Variants in BRD3 observed in about 807,000 individuals in gnomAD.
The protein encoded by BRD3 is bromodomain containing 3.
In BRD3, 17 loss-of-function variants were observed where a neutral mutation model predicts 66.8. The ratio of observed to expected loss-of-function variants is 0.25; its 90% CI spans 0.17 to 0.38. The LOEUF (loss-of-function observed/expected upper bound fraction) is 0.38, where lower values mean the gene tolerates loss of function less well. BRD3 is among the 10% of genes least tolerant of loss of function. BRD3 has a pLI of 1.00. For synonymous variants in BRD3, 421 were observed against 393.2 expected (o/e 1.07, Z -0.84); for missense variants, 713 against 956.1 (o/e 0.75, Z 3.35).
rs535769893 is a variant in BRD3, at chr9:134,050,702, G to A, written c.500-114C>T. On this transcript the variant is annotated intron_variant, in intron 4 of 11. Coordinates refer to ENST00000303407, the MANE Select transcript of BRD3 (RefSeq NM_007371.4). ...GTACCAGCTCTGTGCTGCCAAGACC[G>A]CCGGCCAGAAGAACCCTCCATGCTG... The A allele has an allele frequency of 4.4e-4, 366 of 840,042 alleles. 1 individual carries two copies. Among genetic ancestry groups the A allele is most frequent in the Middle Eastern group, 2.7e-3 (10 of 3,640 alleles). 52.0% of individuals were successfully genotyped at this position (840,042 alleles called of 1,614,324 possible). A position where few individuals can be genotyped will look rare whatever the true frequency, so the allele number is the denominator to read the frequency against.
chr9:134,058,725 G>GCCTT (rs1830476982), intron 1 of BRD3: 1 of 152,330 alleles, frequency 6.6e-6, no homozygotes, highest in African/African-American at 2.4e-5. Context: ...GATACACAAA[G>GCCTT]GTTCAAACTA....
chr9:134,067,549 A>AG (rs1320769856), intron 1 of BRD3, among the ~76,000 whole-genome samples: 5 of 147,472 alleles, frequency 3.4e-5, no homozygotes, highest in Admixed American at 1.3e-4. Context: ...GGCGGAGGAA[A>AG]GGGGGAAAAA....
chr9:134,059,358 T>A (rs1310840941), intron 1 of BRD3, among the ~76,000 whole-genome samples: 1 of 152,284 alleles, frequency 6.6e-6, no homozygotes, highest in South Asian at 2.1e-4. Context: ...TCCACCTTCA[T>A]GCGATGGGGA....
chr9:134,052,889 C>A (rs903572123), intron 2 of BRD3, among the ~76,000 whole-genome samples: 1 of 152,228 alleles, frequency 6.6e-6, no homozygotes, highest in Non-Finnish European at 1.5e-5. Context: ...GAAAGCAGGC[C>A]TCAACATACA....
chr9:134,067,630 G>A (rs1380690108), intron 1 of BRD3, among the ~76,000 whole-genome samples: 1 of 146,520 alleles, frequency 6.8e-6, no homozygotes, highest in Non-Finnish European at 1.5e-5. Context: ...CCAACTCCGG[G>A]CTGCGCGCCC....
upstream of BRD3, chr9:134,068,202 A>G (rs1830714242): frequency 7.1e-6 from 1 of 140,480 alleles, no homozygotes; most frequent in African/African-American, 2.6e-5. Flanking sequence ...CGCCCCGCCG[A>G]CCCGGCCGAG....
chr9:134,051,875 GTGTTGTTTTTT>G (rs1476252004), intron 3 of BRD3, among the ~76,000 whole-genome samples, 166 bp from the exon 4 acceptor site: 20 of 101,018 alleles, frequency 2.0e-4, no homozygotes, highest in South Asian at 1.7e-3. Flanking sequence ...GTGTGTGTGT[GTGTTGTTTTTT>G]TTGTTTTTTT....
At chr9:134,034,457 T>C (rs1039848741) in intron 11 of BRD3, 11 of 520,260 alleles carry the variant, frequency 2.1e-5, no homozygotes, top group Middle Eastern at 5.3e-4. Context: ...CTGTCTGTGG[T>C]GCCCTGGAAT....
rs182585680 is a variant in BRD3 at position 134,036,485 on chromosome 9, G to A, written c.1644-161C>T. 6.0e-5 allele frequency: 94 copies of A among 1,579,012 alleles called. No individual in the cohort carries two copies. In the East Asian group the frequency reaches 1.7e-3, roughly 29 times the overall value. On this transcript the variant is annotated intron_variant, in intron 9 of 11. Coordinates refer to ENST00000303407, the MANE Select transcript of BRD3 (RefSeq NM_007371.4). ...CAGAAAATCCAAGGTTAGAAAAGTC[G>A]CTCCCAGCTGCGGGGTTTCCAGCCC...
At chr9:134,035,207 C>T (rs1202669247) in intron 10 of BRD3, among the ~76,000 whole-genome samples, 1 of 152,230 alleles carries the variant, frequency 6.6e-6, no homozygotes, top group Non-Finnish European at 1.5e-5. Context: ...CGCTGCTCTC[C>T]ATCTGCCCGA....
rs150841979 is a variant in BRD3, at chr9:134,035,742, G to A, written c.1936+290C>T. ...GGCCGGAGCCCAGCCCCAGAGTCGC[G>A]CACTCCTTGGACAAGGTTAAGGCCA... On this transcript the variant is annotated intron_variant, in intron 10 of 11. Transcript: ENST00000303407. Among the ~76,000 whole-genome samples, 1,471 of 152,364 alleles carry A rather than the reference G, an allele frequency of 9.7e-3. 28 individuals carry two copies. Among genetic ancestry groups the A allele is most frequent in the African/African-American group, 0.033 (1,382 of 41,586 alleles).
At chr9:134,051,339 G>T (rs532541254) in intron 4 of BRD3, among the ~76,000 whole-genome samples, 1 of 152,216 alleles carries the variant, frequency 6.6e-6, no homozygotes, top group African/African-American at 2.4e-5. Context: ...TCCCCAGCGT[G>T]GGCTCAAAGG....
chr9:134,066,858 C>A (rs1487340224), intron 1 of BRD3, among the ~76,000 whole-genome samples: 1 of 152,338 alleles, frequency 6.6e-6, no homozygotes, highest in African/African-American at 2.4e-5. Flanking sequence ...AAGATCGCAA[C>A]CACTCAAGGA....
chr9:134,044,214 C>T (rs1157106362), intron 7 of BRD3, among the ~76,000 whole-genome samples: 15 of 152,210 alleles, frequency 9.9e-5, no homozygotes, highest in Admixed American at 9.8e-4. Flanking sequence ...ACCCTGCCAT[C>T]ATCACCCACA....
In BRD3 at chr9:134,032,531, G is replaced by A. The variant is rs1380422170; in HGVS notation, c.*1059C>T. ...GCGCGAACAGACGTGGGTGAGCACC[G>A]CGCGGTGGCAGGAGTTAGCACCTGG... On this transcript the variant is annotated 3_prime_UTR_variant, in exon 12 of 12. Coordinates refer to ENST00000303407, the MANE Select transcript of BRD3 (RefSeq NM_007371.4). 4 of 226,994 alleles carry A rather than the reference G, an allele frequency of 1.8e-5. No individual in the cohort carries two copies. The highest frequency in any genetic ancestry group is 4.5e-5 in the African/African-American group (2 of 44,820). 14.1% of individuals were successfully genotyped at this position (226,994 alleles called of 1,614,324 possible). A position where few individuals can be genotyped will look rare whatever the true frequency, so the allele number is the denominator to read the frequency against.
rs1310444454 is a variant in BRD3, at chr9:134,037,520, G to A, written c.1644-1196C>T. 4.6e-5 allele frequency among the ~76,000 whole-genome samples: 7 copies of A among 151,936 alleles called. No homozygotes were observed. The East Asian group carries it at 5.8e-4, about 13-fold the overall frequency. On this transcript the variant is annotated intron_variant, in intron 9 of 11. Coordinates refer to ENST00000303407, the MANE Select transcript of BRD3 (RefSeq NM_007371.4). The stretch of plus-strand genomic sequence containing the variant: ...CTGGAGGCGGAGGTTGCAGTGAGCC[G>A]AGATCGTGCCACTGCACTCCAGCCT...
At chr9:134,051,188 G>A (rs1337606809) in intron 4 of BRD3, among the ~76,000 whole-genome samples, 2 of 152,228 alleles carry the variant, frequency 1.3e-5, no homozygotes, top group Non-Finnish European at 1.5e-5. Context: ...AATCAAATGA[G>A]TGCTAAAGAG....
intron 6 of BRD3, among the ~76,000 whole-genome samples, chr9:134,046,507 T>A (rs1830169877): frequency 6.6e-6 from 1 of 152,154 alleles, no homozygotes. Flanking sequence ...CCGTACCCTA[T>A]GCACTCAGAC....
chr9:134,035,350 T>C lies in BRD3; in HGVS notation c.1937-521A>G, dbSNP rs570979902. ...CAGGAAAAGGAGCAAGTGAGGCCCATGCACACCCGAGAGGCCACATGCAAG... is the reference window on the plus strand; with the variant it reads ...CAGGAAAAGGAGCAAGTGAGGCCCACGCACACCCGAGAGGCCACATGCAAG... On this transcript the variant is annotated intron_variant, in intron 10 of 11. Transcript: ENST00000303407. Among the ~76,000 whole-genome samples, 66 of 152,202 alleles carry C rather than the reference T, an allele frequency of 4.3e-4. 1 individual carries two copies. Among genetic ancestry groups the C allele is most frequent in the African/African-American group, 1.5e-3 (64 of 41,528 alleles).
Sources: gnomAD v4.1 joint callset for allele counts (sites outside exome capture counted in the v4.1 genomes callset) on GRCh38, gnomAD v4.1.1 for gene constraint, MANE v1.5 for transcripts, NCBI Gene and HGNC (gene_info 2026-07-23, HGNC 2026-07-21) for gene names.